The following PPP3CB variants were observed in gnomAD, a reference collection of about 807,000 sequenced individuals.
PPP3CB encodes the protein serine/threonine-protein phosphatase 2B catalytic subunit beta isoform.
Under a neutral mutation model 66.4 loss-of-function variants are expected in PPP3CB, and 8 were observed. The ratio of observed to expected loss-of-function variants is 0.12; its 90% CI spans 0.07 to 0.22. PPP3CB has a LOEUF of 0.22. PPP3CB is among the 10% of genes least tolerant of loss of function. PPP3CB has a pLI of 1.00. For synonymous variants in PPP3CB, 208 were observed against 221.2 expected (o/e 0.94, Z 0.53); for missense variants, 319 against 642.5 (o/e 0.50, Z 5.44).
At chr10:73,493,750 CTTTA>C (rs1350687560) in intron 1 of PPP3CB, among the ~76,000 whole-genome samples, 21 of 152,256 alleles carry the variant, frequency 1.4e-4, no homozygotes, top group South Asian at 2.1e-4. Flanking sequence ...TAACCATAAG[CTTTA>C]TTTAACTATA....
intron 1 of PPP3CB, among the ~76,000 whole-genome samples, chr10:73,479,852 T>C (rs1388675528): frequency 6.6e-6 from 1 of 152,158 alleles, no homozygotes; most frequent in African/African-American, 2.4e-5. Context: ...TTCTTTACCT[T>C]AAATGAAGTA....
intron 1 of PPP3CB, among the ~76,000 whole-genome samples, chr10:73,485,894 C>T (rs947854751): frequency 4.9e-5 from 7 of 143,812 alleles, no homozygotes; most frequent in Non-Finnish European, 7.6e-5. Context: ...GCACACACCA[C>T]CACACCTGGC....
intron 9 of PPP3CB, among the ~76,000 whole-genome samples, chr10:73,458,887 T>C (rs1343277591): frequency 2.0e-5 from 3 of 151,464 alleles, no homozygotes; most frequent in East Asian, 3.9e-4. Context: ...CTGACCAACA[T>C]GGAGAAACCC....
Position 73,438,323 on chromosome 10 carries a change from A to C in PPP3CB, c.1494T>G (p.Ala498=), listed in dbSNP as rs754983452. 2 of 1,614,150 alleles carry C rather than the reference A, an allele frequency of 1.2e-6. No homozygotes were observed. Among genetic ancestry groups the C allele is most frequent in the Non-Finnish European group, 1.7e-6 (2 of 1,179,992 alleles). The part of the protein sequence containing the change: ...INERMPPRKD[A]VQQDGFNSLN... Reference sequence around the variant, plus strand: ...GAGAATTGAAACCATCTTGCTGTACAGCATCTTTCCGAGGTGGCATTCTCT... The same window carrying C: ...GAGAATTGAAACCATCTTGCTGTACCGCATCTTTCCGAGGTGGCATTCTCT... The change falls in exon 14 of 14, where the codon GCT becomes GCG. Residue 498 remains alanine, a synonymous_variant. Transcript: ENST00000360663.
intron 3 of PPP3CB, among the ~76,000 whole-genome samples, chr10:73,476,877 GGACA>G (rs139161326): frequency 0.046 from 7,065 of 152,098 alleles, 493 homozygotes; most frequent in African/African-American, 0.15. Flanking sequence ...AAGGGAAGCA[GGACA>G]GACAGAGTCT....
At chr10:73,457,269 A>AG in intron 9 of PPP3CB, among the ~76,000 whole-genome samples, 1 of 146,302 alleles carries the variant, frequency 6.8e-6, no homozygotes, top group Non-Finnish European at 1.5e-5. Flanking sequence ...AGAAAAAAAA[A>AG]AAAAAAAAAA....
At chr10:73,492,113 A>C (rs1267214722) in intron 1 of PPP3CB, among the ~76,000 whole-genome samples, 1 of 152,196 alleles carries the variant, frequency 6.6e-6, no homozygotes, top group East Asian at 1.9e-4. Context: ...AACGTTGTCA[A>C]TCAGAAATAC....
chr10:73,490,608 T>C (rs1317602446), intron 1 of PPP3CB, among the ~76,000 whole-genome samples: 1 of 152,214 alleles, frequency 6.6e-6, no homozygotes, highest in Non-Finnish European at 1.5e-5. Flanking sequence ...TTACCAAACT[T>C]TTCCTTACAA....
At chr10:73,490,457 T>C (rs1257490149) in intron 1 of PPP3CB, among the ~76,000 whole-genome samples, 1 of 152,262 alleles carries the variant, frequency 6.6e-6, no homozygotes, top group African/African-American at 2.4e-5. Flanking sequence ...GACTGTGATG[T>C]TCCAAAATAA....
rs576457399 is a variant in PPP3CB at position 73,482,473 on chromosome 10, G to A, written c.86-2956C>T. 7.4e-5 allele frequency among the ~76,000 whole-genome samples: 11 copies of A among 147,786 alleles called. No individual in the cohort carries two copies. The East Asian group carries it at 1.4e-3, about 19-fold the overall frequency. ...CAGGAGAATGGCGTGAACCCGGAAG[G>A]CGGAGCTTGCAGTGAGCCGAGATCG... is the stretch of plus-strand genomic sequence containing the variant. On this transcript the variant is annotated intron_variant, in intron 1 of 13. Coordinates refer to ENST00000360663, the MANE Select transcript of PPP3CB (RefSeq NM_021132.4).
chr10:73,487,328 G>A (rs926111232), intron 1 of PPP3CB, among the ~76,000 whole-genome samples: 5 of 151,434 alleles, frequency 3.3e-5, no homozygotes, highest in Admixed American at 6.6e-5. Context: ...TGGGTATATC[G>A]CTTGAGGTCA....
intron 1 of PPP3CB, among the ~76,000 whole-genome samples, chr10:73,480,189 C>T (rs1368633791): frequency 6.6e-6 from 1 of 152,142 alleles, no homozygotes; most frequent in Non-Finnish European, 1.5e-5. Context: ...ATTTAGGAGG[C>T]TTAAAATAAT....
chr10:73,479,102 T>C (rs2056835242), intron 2 of PPP3CB, among the ~76,000 whole-genome samples: 1 of 152,226 alleles, frequency 6.6e-6, no homozygotes, highest in Non-Finnish European at 1.5e-5. Context: ...CACAAAAGCA[T>C]ATTAGACTAA....
chr10:73,478,665 A>C (rs1564565609), intron 2 of PPP3CB, 42 bp from the exon 3 acceptor site: 6 of 1,571,028 alleles, frequency 3.8e-6, no homozygotes, highest in Non-Finnish European at 5.2e-6. Flanking sequence ...AAAATCTCTA[A>C]AACAACAAAT....
chr10:73,485,642 T>C (rs2056959183), intron 1 of PPP3CB, among the ~76,000 whole-genome samples: 1 of 152,222 alleles, frequency 6.6e-6, no homozygotes, highest in Non-Finnish European at 1.5e-5. Flanking sequence ...TCATACAATT[T>C]CCTTCTTGCT....
intron 10 of PPP3CB, among the ~76,000 whole-genome samples, chr10:73,449,685 A>G (rs986820364): frequency 1.3e-5 from 2 of 152,210 alleles, no homozygotes; most frequent in East Asian, 1.9e-4. Flanking sequence ...GTGGGTTTAT[A>G]CATTAGTGTT....
At chr10:73,438,481 C>A in intron 13 of PPP3CB, 61 bp from the exon 14 acceptor site, 1 of 1,431,638 alleles carries the variant, frequency 7.0e-7, no homozygotes, top group South Asian at 1.2e-5. Flanking sequence ...ATTTCAAAAA[C>A]ATAATTAATG....
intron 2 of PPP3CB, 140 bp downstream of exon 2, chr10:73,479,177 T>G: frequency 1.2e-6 from 1 of 809,102 alleles, no homozygotes; most frequent in Non-Finnish European, 2.0e-6. Flanking sequence ...TTTTTAAGTA[T>G]GGAAAATAAT....
chr10:73,464,946 CAAA>C (rs1211199797), intron 9 of PPP3CB, among the ~76,000 whole-genome samples: 1 of 103,314 alleles, frequency 9.7e-6, no homozygotes, highest in Non-Finnish European at 2.1e-5. Context: ...GACTGTGCCT[CAAA>C]AAAAAAAAAA....
Sources: gnomAD v4.1 joint callset for allele counts (sites outside exome capture counted in the v4.1 genomes callset) on GRCh38, gnomAD v4.1.1 for gene constraint, MANE v1.5 for transcripts, NCBI Gene and HGNC (gene_info 2026-07-23, HGNC 2026-07-21) for gene names.